The following ARSG variants were observed in gnomAD, a reference collection of about 807,000 sequenced individuals.
The protein encoded by ARSG is ASG.
ARSG carries 37 observed loss-of-function variants against 50.5 expected under a neutral mutation model. The observed-to-expected ratio is 0.73, with a 90% confidence interval of 0.56 to 0.96. The LOEUF (loss-of-function observed/expected upper bound fraction) is 0.96, where lower values mean the gene tolerates loss of function less well. Ranked by LOEUF, ARSG falls within the 50% of genes least tolerant of loss-of-function variation. ARSG has a pLI of 0.00. For synonymous variants in ARSG, 225 were observed against 254.6 expected (o/e 0.88, Z 1.11); for missense variants, 629 against 675.3 (o/e 0.93, Z 0.76).
chr17:68,363,069 A>G (rs562550026), intron 6 of ARSG, among the ~76,000 whole-genome samples: 2 of 152,310 alleles, frequency 1.3e-5, no homozygotes, highest in East Asian at 3.9e-4. Flanking sequence ...GGAAACAGAT[A>G]TGTAAAAACA....
chr17:68,404,968 C>A (rs2081641134), intron 11 of ARSG, among the ~76,000 whole-genome samples: 1 of 152,030 alleles, frequency 6.6e-6, no homozygotes, highest in Non-Finnish European at 1.5e-5. Context: ...GGTCTTGGCA[C>A]CCTTGTTAAA....
chr17:68,355,868 A>G (rs2079011580), intron 5 of ARSG, among the ~76,000 whole-genome samples: 1 of 151,172 alleles, frequency 6.6e-6, no homozygotes, highest in African/African-American at 2.4e-5. Flanking sequence ...AACCCATCTT[A>G]TGTATTCCTT....
chr17:68,415,687 A>G (rs1031966782), intron 11 of ARSG, among the ~76,000 whole-genome samples: 1 of 152,114 alleles, frequency 6.6e-6, no homozygotes, highest in Non-Finnish European at 1.5e-5. Flanking sequence ...ATTATTTTAT[A>G]AATTTGGGAG....
At chr17:68,309,730 G>A (rs752102624) in intron 2 of ARSG, among the ~76,000 whole-genome samples, 17 of 151,698 alleles carry the variant, frequency 1.1e-4, no homozygotes, top group African/African-American at 2.4e-4. Flanking sequence ...GCAGTGGCAG[G>A]CACCTGTGAC....
intron 1 of ARSG, among the ~76,000 whole-genome samples, chr17:68,281,343 T>A (rs1191387317): frequency 6.6e-6 from 1 of 151,676 alleles, no homozygotes; most frequent in Non-Finnish European, 1.5e-5. Flanking sequence ...CTGAGGCAGG[T>A]GGATCATGAG....
the ARSG span, among the ~76,000 whole-genome samples, chr17:68,433,760 G>GTTTTGTTTTTTT: frequency 1.4e-5 from 1 of 72,822 alleles, no homozygotes; most frequent in African/African-American, 6.5e-5. Flanking sequence ...AAGGGTCATA[G>GTTTTGTTTTTTT]TTTTTTTTTT....
intron 1 of ARSG, among the ~76,000 whole-genome samples, chr17:68,302,468 G>T (rs904558405): frequency 1.3e-5 from 2 of 152,184 alleles, no homozygotes; most frequent in South Asian, 2.1e-4. Flanking sequence ...CGAGGGTCAG[G>T]TGATGAAGTG....
chr17:68,433,011 G>A, the ARSG span, among the ~76,000 whole-genome samples: 2 of 152,260 alleles, frequency 1.3e-5, no homozygotes, highest in South Asian at 4.1e-4. Context: ...CTGAGAAATT[G>A]CAGGTGCTTC....
chr17:68,293,050 C>G (rs989897970), intron 1 of ARSG, among the ~76,000 whole-genome samples: 2 of 152,178 alleles, frequency 1.3e-5, no homozygotes, highest in Non-Finnish European at 1.5e-5. Flanking sequence ...ACGATTTATG[C>G]TTTACCAAGG....
chr17:68,429,791 G>A, the ARSG span, among the ~76,000 whole-genome samples: 1 of 152,118 alleles, frequency 6.6e-6, no homozygotes, highest in Non-Finnish European at 1.5e-5. Flanking sequence ...ATTTCACCAC[G>A]TTGGCCAGGC....
intron 2 of ARSG, among the ~76,000 whole-genome samples, chr17:68,323,899 C>T (rs1190612722): frequency 6.6e-6 from 1 of 151,880 alleles, no homozygotes; most frequent in East Asian, 1.9e-4. Context: ...ATGGCGAAAC[C>T]CCATCTCTAG....
At chr17:68,309,634 G>C (rs1476563370) in intron 2 of ARSG, among the ~76,000 whole-genome samples, 1 of 152,146 alleles carries the variant, frequency 6.6e-6, no homozygotes, top group Non-Finnish European at 1.5e-5. Flanking sequence ...TGAGGCAGGT[G>C]GATCACCTGA....
At chr17:68,382,319 A>T (rs1568553064) in intron 8 of ARSG, among the ~76,000 whole-genome samples, 1 of 152,136 alleles carries the variant, frequency 6.6e-6, no homozygotes, top group Non-Finnish European at 1.5e-5. Flanking sequence ...TCCCCATCTG[A>T]AAGATGGGGA....
chr17:68,356,830 G>A, intron 6 of ARSG, 26 bp downstream of exon 6: 1 of 1,613,788 alleles, frequency 6.2e-7, no homozygotes, highest in Admixed American at 1.7e-5. Context: ...CCCTCCGCAG[G>A]GCCTCCCCCT....
At chr17:68,375,327 G>A (rs2080092223) in intron 8 of ARSG, among the ~76,000 whole-genome samples, 1 of 152,190 alleles carries the variant, frequency 6.6e-6, no homozygotes, top group Non-Finnish European at 1.5e-5. Context: ...TTATCAAAGT[G>A]TGGTCCCTAA....
chr17:68,401,550 C>T, intron 11 of ARSG, 100 bp downstream of exon 11: 1 of 1,073,450 alleles, frequency 9.3e-7, no homozygotes, highest in Non-Finnish European at 1.4e-6. Flanking sequence ...TGAGTCCCTC[C>T]TTTGTGGGGG....
At chr17:68,410,802 C>T (rs930266627) in intron 11 of ARSG, among the ~76,000 whole-genome samples, 1 of 152,234 alleles carries the variant, frequency 6.6e-6, no homozygotes, top group South Asian at 2.1e-4. Flanking sequence ...AATTTCAGAT[C>T]CTGTTATTGG....
intron 1 of ARSG, chr17:68,268,620 T>C (rs1268192344): frequency 6.6e-6 from 1 of 152,404 alleles, no homozygotes; most frequent in Non-Finnish European, 1.5e-5. Context: ...CTTTTTTTTT[T>C]TGACTGGCCA....
intron 6 of ARSG, among the ~76,000 whole-genome samples, chr17:68,365,299 G>A (rs1363258069): frequency 2.0e-5 from 3 of 152,196 alleles, no homozygotes; most frequent in East Asian, 1.9e-4. Flanking sequence ...GAGACAGAGC[G>A]AGACTCCGTC....
Sources: allele counts gnomAD v4.1 joint callset (sites outside exome capture counted in the v4.1 genomes callset), GRCh38; gene constraint gnomAD v4.1.1; transcripts MANE v1.5; gene names NCBI Gene and HGNC (gene_info 2026-07-23, HGNC 2026-07-21).